JAZF1: variants seen among roughly 807,000 people sequenced by gnomAD.
JAZF1 encodes JAZF zinc finger 1.
JAZF1 carries 8 observed loss-of-function variants against 26.4 expected under a neutral mutation model. That is an observed-to-expected ratio of 0.30 (90% CI 0.18 to 0.55). JAZF1 has a LOEUF of 0.55. Ranked by LOEUF, JAZF1 falls within the 20% of genes least tolerant of loss-of-function variation. JAZF1 has a pLI of 0.94. For missense variants in JAZF1, 199 were observed against 322.0 expected (o/e 0.62, Z 2.92); for synonymous variants, 126 against 122.3 (o/e 1.03, Z -0.20).
intron 1 of JAZF1, among the ~76,000 whole-genome samples, chr7:28,134,874 T>C (rs1208975759): frequency 6.6e-6 from 1 of 152,200 alleles, no homozygotes; most frequent in East Asian, 1.9e-4. Context: ...GCTTGGACTA[T>C]AAGCTCCTTG....
In JAZF1 at chr7:27,979,985, C is replaced by T. The variant is rs559060761; in HGVS notation, c.188+11924G>A. On this transcript the variant is annotated intron_variant, in intron 2 of 4. Transcript: ENST00000283928. ...CCTACTGTTTCATCTTATTGGGTTG[C>T]TAACCTCTAATTATCTAGGACATGG... 5.9e-5 allele frequency among the ~76,000 whole-genome samples: 9 copies of T among 152,280 alleles called. No individual in the cohort carries two copies. The South Asian group carries it at 1.9e-3, about 32-fold the overall frequency.
At chr7:28,169,962 G>C (rs1044313757) in intron 1 of JAZF1, among the ~76,000 whole-genome samples, 1 of 152,138 alleles carries the variant, frequency 6.6e-6, no homozygotes, top group African/African-American at 2.4e-5. Context: ...GTCTGGTGCT[G>C]GAGTGACAGG....
chr7:27,902,722 G>T (rs944647714), intron 2 of JAZF1, among the ~76,000 whole-genome samples: 4 of 152,188 alleles, frequency 2.6e-5, no homozygotes, highest in African/African-American at 9.6e-5. Flanking sequence ...GTTCATAAAA[G>T]AAGTGATTAA....
At chr7:28,080,260 T>A (rs1046965915) in intron 1 of JAZF1, among the ~76,000 whole-genome samples, 2 of 152,104 alleles carry the variant, frequency 1.3e-5, no homozygotes, top group African/African-American at 2.4e-5. Flanking sequence ...CCAGCCTTCA[T>A]AGAATTGAAG....
At chr7:27,947,833 G>A (rs945052294) in intron 2 of JAZF1, among the ~76,000 whole-genome samples, 8 of 152,136 alleles carry the variant, frequency 5.3e-5, no homozygotes, top group African/African-American at 1.9e-4. Flanking sequence ...CAGCACCCTT[G>A]GCCAGCATTG....
At chr7:27,955,793 T>A (rs1785078901) in intron 2 of JAZF1, among the ~76,000 whole-genome samples, 1 of 152,190 alleles carries the variant, frequency 6.6e-6, no homozygotes, top group African/African-American at 2.4e-5. Context: ...AATGAAGCAC[T>A]CCCTAAAGGG....
intron 3 of JAZF1, among the ~76,000 whole-genome samples, chr7:27,886,082 G>C (rs1459370585): frequency 6.6e-6 from 1 of 152,166 alleles, no homozygotes; most frequent in Non-Finnish European, 1.5e-5. Context: ...AGCAGAGCGG[G>C]GATATTCCTA....
chr7:28,054,921 G>A (rs767036537), intron 1 of JAZF1, among the ~76,000 whole-genome samples: 11 of 151,906 alleles, frequency 7.2e-5, no homozygotes, highest in South Asian at 2.1e-4. Flanking sequence ...AGTGCATGGC[G>A]CTCACATTGC....
At chr7:28,035,542 C>T (rs1161965795) in intron 1 of JAZF1, among the ~76,000 whole-genome samples, 1 of 151,918 alleles carries the variant, frequency 6.6e-6, no homozygotes, top group Non-Finnish European at 1.5e-5. Context: ...AGCAAATAAT[C>T]CACTCAATTT....
intron 3 of JAZF1, among the ~76,000 whole-genome samples, chr7:27,851,550 G>A (rs989890448): frequency 1.3e-5 from 2 of 152,142 alleles, no homozygotes; most frequent in African/African-American, 4.8e-5. Context: ...CTACTCAGGA[G>A]GCTGAGGCAG....
At chr7:27,858,533 T>C (rs1023608535) in intron 3 of JAZF1, among the ~76,000 whole-genome samples, 2 of 152,038 alleles carry the variant, frequency 1.3e-5, no homozygotes, top group African/African-American at 4.8e-5. Flanking sequence ...CCAAAACAGA[T>C]ATATAGACCA....
intron 1 of JAZF1, among the ~76,000 whole-genome samples, chr7:28,106,222 T>C (rs1339601331): frequency 6.6e-6 from 1 of 152,220 alleles, no homozygotes; most frequent in African/African-American, 2.4e-5. Context: ...ATGTGGCATT[T>C]TTCCTTCCGA....
chr7:28,079,493 T>C (rs1784102825), intron 1 of JAZF1, among the ~76,000 whole-genome samples: 1 of 152,086 alleles, frequency 6.6e-6, no homozygotes, highest in Non-Finnish European at 1.5e-5. Context: ...AGGAGCAAAA[T>C]AAAATATAAA....
At chr7:28,110,504 A>G (rs1042234054) in intron 1 of JAZF1, among the ~76,000 whole-genome samples, 121 of 78,546 alleles carry the variant, frequency 1.5e-3, no homozygotes, top group African/African-American at 8.0e-3. Flanking sequence ...AAAGGAAAGG[A>G]AAAGGAAAGG....
intron 1 of JAZF1, among the ~76,000 whole-genome samples, chr7:28,110,924 G>A (rs1229894339): frequency 2.0e-5 from 3 of 152,180 alleles, no homozygotes; most frequent in East Asian, 3.9e-4. Flanking sequence ...TTTTTGTAAA[G>A]ATAGCAGTAA....
At chr7:27,936,122 T>C (rs1207808439) in intron 2 of JAZF1, among the ~76,000 whole-genome samples, 1 of 152,248 alleles carries the variant, frequency 6.6e-6, no homozygotes, top group African/African-American at 2.4e-5. Context: ...TTCATTTCTT[T>C]TTCCTAAAAA....
intron 2 of JAZF1, among the ~76,000 whole-genome samples, chr7:27,916,944 T>C (rs893423887): frequency 6.6e-6 from 1 of 152,164 alleles, no homozygotes; most frequent in South Asian, 2.1e-4. Context: ...CCACAGATAA[T>C]AGCAACTGAC....
rs201602870 is a variant in JAZF1, at chr7:28,035,313, C to CAAAAAAAAAAA, written c.116-43343_116-43333dup. On this transcript the variant is annotated intron_variant, in intron 1 of 4. Coordinates refer to ENST00000283928, the MANE Select transcript of JAZF1 (RefSeq NM_175061.4). ...TGGGCGACAAAGTGAGACTCCATCT[C>CAAAAAAAAAAA]AAAAAAAAAAAAAAAAAAAAAAAAA... Among the ~76,000 whole-genome samples the CAAAAAAAAAAA allele has an allele frequency of 8.6e-3, 237 of 27,452 alleles. 9 individuals are homozygous for CAAAAAAAAAAA. Among genetic ancestry groups the CAAAAAAAAAAA allele is most frequent in the Middle Eastern group, 0.029 (1 of 34 alleles). The allele number at this position is 27,452 out of a possible 152,430, so 18.0% of individuals were successfully genotyped here. A position where few individuals can be genotyped will look rare whatever the true frequency, so the allele number is the denominator to read the frequency against.
intron 1 of JAZF1, among the ~76,000 whole-genome samples, chr7:28,069,196 G>A (rs1188191177): frequency 6.6e-6 from 1 of 152,220 alleles, no homozygotes; most frequent in Non-Finnish European, 1.5e-5. Context: ...CAGCTATCTG[G>A]ACTCCCAGCT....
Sources: allele counts gnomAD v4.1 joint callset (sites outside exome capture counted in the v4.1 genomes callset), GRCh38; gene constraint gnomAD v4.1.1; transcripts MANE v1.5; gene names NCBI Gene and HGNC (gene_info 2026-07-23, HGNC 2026-07-21).